DNAH5: variants seen among roughly 807,000 people sequenced by gnomAD.
The protein encoded by DNAH5 is dynein axonemal heavy chain 5, also known as axonemal beta dynein heavy chain 5.
A neutral mutation model predicts 518.2 loss-of-function variants in DNAH5; 372 were observed. The observed-to-expected ratio is 0.72, with a 90% confidence interval of 0.66 to 0.78. The LOEUF is 0.78. Ranked by LOEUF, DNAH5 falls within the 30% of genes least tolerant of loss-of-function variation. DNAH5 has a pLI of 0.00. For synonymous variants in DNAH5, 2,039 were observed against 2,025.9 expected (o/e 1.01, Z -0.17); for missense variants, 5,523 against 5,687.0 (o/e 0.97, Z 0.93).
At chr5:13,841,202 T>A in intron 33 of DNAH5, 72 bp from the exon 34 acceptor site, 1 of 1,200,068 alleles carries the variant, frequency 8.3e-7, no homozygotes, top group Admixed American at 1.8e-5. Context: ...TACAATGTGA[T>A]CAACAGCTGT....
chr5:13,716,690 C>A lies in DNAH5; in HGVS notation c.12706G>T (p.Gly4236Cys). ...TAGCGGATGGTGGTCCAGGAGACAC[C>A]CTGGGAAATTTTATAGAATAATTAT... ...NHLDDMDVKKGVSWTTIRYMI... is the reference protein window; with the variant it reads ...NHLDDMDVKKCVSWTTIRYMI... Residue 4236 changes from glycine to cysteine, a missense_variant and splice_region_variant, in exon 74 of 79, where the codon GGT (glycine) becomes TGT (cysteine). Around this residue, in one of 3 missense-constraint regions of DNAH5, gnomAD observed 5,121 missense variants for 5,223.3 expected, o/e 0.98. Coordinates refer to ENST00000265104, the MANE Select transcript of DNAH5 (RefSeq NM_001369.3). 1 of 1,608,578 alleles carries A rather than the reference C, an allele frequency of 6.2e-7. No individual in the cohort carries two copies. The highest frequency in any genetic ancestry group is 8.5e-7 in the Non-Finnish European group (1 of 1,175,410).
At chr5:13,766,258 T>A in intron 58 of DNAH5, 79 bp from the exon 59 acceptor site, 1 of 1,481,624 alleles carries the variant, frequency 6.7e-7, no homozygotes, top group Non-Finnish European at 9.4e-7. Context: ...CAAATGCTGC[T>A]ATTTCAACAG....
Position 13,727,598 on chromosome 5 carries a change from T to A in DNAH5, c.11942A>T (p.Glu3981Val). The A allele has an allele frequency of 6.2e-7, 1 of 1,613,752 alleles. No individual in the cohort carries two copies. Among genetic ancestry groups the A allele is most frequent in the Non-Finnish European group, 8.5e-7 (1 of 1,179,724 alleles). The change falls in exon 70 of 79, where the codon GAA (glutamate) becomes GTA (valine). Residue 3981 changes from glutamate (E) to valine (V), a missense_variant. By Grantham distance (121) the Glu-to-Val change is moderately radical. Transcript: ENST00000265104. ...TTTATCATAGGCATTTGGAAGAGGT[T>A]CCTCCTCCGGGTTTTCCTTATCAAA... ...IWFDKENPEE[E>V]PLPNAYDKSL...
chr5:13,728,445 A>C (rs755732667), intron 69 of DNAH5, among the ~76,000 whole-genome samples: 16 of 152,196 alleles, frequency 1.1e-4, no homozygotes, highest in South Asian at 1.0e-3. Flanking sequence ...ACCATGTAAG[A>C]ATAAAAATAA....
In DNAH5 at chr5:13,920,668, A is replaced by C. The variant is rs760833981; in HGVS notation, c.661-51T>G. On this transcript the variant is annotated intron_variant, in intron 5 of 78. Transcript: ENST00000265104. ...CAGATGATGCTTTTGTAAAACACACAGACTGTGGGCCCTGTGTTTTCCACT... is the reference window on the plus strand; with the variant it reads ...CAGATGATGCTTTTGTAAAACACACCGACTGTGGGCCCTGTGTTTTCCACT... 62 of 1,603,520 alleles carry C rather than the reference A, an allele frequency of 3.9e-5. No homozygotes were observed. In the African/African-American group the frequency reaches 4.8e-4, roughly 12 times the overall value.
In DNAH5 at chr5:13,702,109, T is replaced by C. The variant is rs563876224; in HGVS notation, c.13339-673A>G. On this transcript the variant is annotated intron_variant, in intron 76 of 78. Coordinates refer to ENST00000265104, the MANE Select transcript of DNAH5 (RefSeq NM_001369.3). ...TTCTGACTTTCTCCCTGAATTCACC[T>C]GTGGAACTTCCATTATGACAACTGG... 2.2e-4 allele frequency among the ~76,000 whole-genome samples: 34 copies of C among 152,354 alleles called. 1 individual carries two copies. In the South Asian group the frequency reaches 6.0e-3, roughly 27 times the overall value.
chr5:13,866,817 C>T (rs1006849439), intron 25 of DNAH5, among the ~76,000 whole-genome samples: 1 of 152,152 alleles, frequency 6.6e-6, no homozygotes, highest in Non-Finnish European at 1.5e-5. Flanking sequence ...TTAATGGGTA[C>T]AAATTTTACC....
At chr5:13,938,481 T>C (rs10060845) in intron 1 of DNAH5, among the ~76,000 whole-genome samples, 59,994 of 151,144 alleles carry the variant, frequency 0.4, 13,177 homozygotes, top group East Asian at 0.69. Flanking sequence ...TTGTTGTTAA[T>C]CTTTTACTGC....
chr5:13,944,173 G>A (rs371714700), intron 1 of DNAH5, among the ~76,000 whole-genome samples: 2 of 152,276 alleles, frequency 1.3e-5, no homozygotes, highest in East Asian at 3.9e-4. Flanking sequence ...AAGCGGCAAC[G>A]TGCAGAAAAG....
chr5:13,810,044 G>C lies in DNAH5; in HGVS notation c.7609+15C>G, dbSNP rs771889837. 7 of 1,550,452 alleles carry C rather than the reference G, an allele frequency of 4.5e-6. No homozygotes were observed. In the South Asian group the frequency reaches 8.3e-5, roughly 18 times the overall value. ...GGCCCCCATGGGTTCCGTCTGGACG[G>C]GCAGGTGTCCTCACCATCGGGCGCC... On this transcript the variant is annotated intron_variant, in intron 45 of 78. Transcript: ENST00000265104.
intron 22 of DNAH5, among the ~76,000 whole-genome samples, 198 bp from the exon 23 acceptor site, chr5:13,871,963 A>C (rs1424872978): frequency 6.6e-6 from 1 of 152,202 alleles, no homozygotes. Context: ...TAACAGTTTC[A>C]CTGTTATCAT....
intron 63 of DNAH5, 149 bp from the exon 64 acceptor site, chr5:13,752,438 T>C (rs1258059924): frequency 1.1e-6 from 1 of 921,662 alleles, no homozygotes; most frequent in Non-Finnish European, 1.7e-6. Flanking sequence ...ACAAAACTTG[T>C]TGAGAGCCCA....
In DNAH5 at chr5:13,720,999, C is replaced by G; in HGVS notation, c.12279+1G>C. On this transcript the variant is annotated splice_donor_variant, in intron 71 of 78. Coordinates refer to ENST00000265104, the MANE Select transcript of DNAH5 (RefSeq NM_001369.3). LOFTEE classifies it high-confidence loss of function. ...CACAAAAGTAGACTATTCAGCCTTA[C>G]GTTCGCCATGGTCTGCTGCAAGAGC... The G allele has an allele frequency of 6.2e-7, 1 of 1,614,104 alleles. No individual in the cohort carries two copies.
chr5:13,999,119 G>A (rs778186990), intron 1 of DNAH5, among the ~76,000 whole-genome samples: 1 of 152,222 alleles, frequency 6.6e-6, no homozygotes, highest in African/African-American at 2.4e-5. Context: ...TGATCTGCCC[G>A]CCTTGGCCTC....
intron 30 of DNAH5, among the ~76,000 whole-genome samples, chr5:13,852,048 A>G (rs1025857808): frequency 3.9e-5 from 6 of 152,114 alleles, no homozygotes; most frequent in East Asian, 1.9e-4. Context: ...TGGCCCAGAT[A>G]CTATGCTTTC....
intron 52 of DNAH5, among the ~76,000 whole-genome samples, chr5:13,782,768 G>C (rs182790844): frequency 6.6e-5 from 10 of 152,282 alleles, no homozygotes; most frequent in African/African-American, 2.2e-4. Context: ...AAACATATCT[G>C]ACAAAGGAAC....
rs986655552 is a variant in DNAH5, at chr5:13,888,837, A to G, written c.2577+2139T>C. Among the ~76,000 whole-genome samples the G allele has an allele frequency of 5.9e-5, 9 of 152,354 alleles. No individual in the cohort carries two copies. In the South Asian group the frequency reaches 1.2e-3, roughly 21 times the overall value. On this transcript the variant is annotated intron_variant, in intron 17 of 78. Coordinates refer to ENST00000265104, the MANE Select transcript of DNAH5 (RefSeq NM_001369.3). The stretch of plus-strand genomic sequence containing the variant: ...GGAATAACATTAAAGGAGAAAATAC[A>G]TGATACATGCATATATTCACTGCAG...
At chr5:13,980,706 T>C (rs1782614572) in intron 1 of DNAH5, among the ~76,000 whole-genome samples, 1 of 152,106 alleles carries the variant, frequency 6.6e-6, no homozygotes, top group Admixed American at 6.6e-5. Context: ...CCTTCCACTT[T>C]CCCACACAGA....
intron 39 of DNAH5, 51 bp from the exon 40 acceptor site, chr5:13,823,421 C>A: frequency 8.2e-7 from 1 of 1,219,578 alleles, no homozygotes; most frequent in Non-Finnish European, 1.2e-6. Flanking sequence ...ATAAACATAT[C>A]AATATGCAGA....
Sources: gnomAD v4.1 joint callset for allele counts (sites outside exome capture counted in the v4.1 genomes callset) on GRCh38, gnomAD v4.1.1 for gene constraint, gnomAD v4.1.1 regional missense constraint, MANE v1.5 for transcripts, NCBI Gene and HGNC (gene_info 2026-07-23, HGNC 2026-07-21) for gene names.